NKAIN2: variants seen among roughly 807,000 people sequenced by gnomAD.
The protein encoded by NKAIN2 is sodium/potassium-transporting ATPase subunit beta-1-interacting protein 2.
In NKAIN2, 14 loss-of-function variants were observed where a neutral mutation model predicts 32.6. That is an observed-to-expected ratio of 0.43 (90% CI 0.28 to 0.67). The LOEUF is 0.67. Among genes scored for constraint, NKAIN2 ranks in the 30% least tolerant of loss-of-function variants. The pLI is 0.17. For missense variants in NKAIN2, 198 were observed against 258.3 expected, an observed-to-expected ratio of 0.77 and a Z score of 1.60; for synonymous variants, 80 against 87.2, an observed-to-expected ratio of 0.92 and a Z score of 0.46.
chr6:123,952,590 T>A (rs1180814330), intron 1 of NKAIN2, among the ~76,000 whole-genome samples: 1 of 152,198 alleles, frequency 6.6e-6, no homozygotes, highest in East Asian at 1.9e-4. Context: ...AACATTCTTT[T>A]TAATTTGTAT....
chr6:123,974,519 A>G (rs983323543), intron 1 of NKAIN2, among the ~76,000 whole-genome samples: 3 of 152,204 alleles, frequency 2.0e-5, no homozygotes, highest in Non-Finnish European at 2.9e-5. Context: ...GTCTCTGCAC[A>G]TAGGAGTATC....
At chr6:124,221,557 AATAAG>A (rs1294885799) in intron 1 of NKAIN2, among the ~76,000 whole-genome samples, 1 of 152,110 alleles carries the variant, frequency 6.6e-6, no homozygotes, top group Non-Finnish European at 1.5e-5. Flanking sequence ...AAAGTATAAT[AATAAG>A]AGAGAGAAAA....
intron 3 of NKAIN2, among the ~76,000 whole-genome samples, chr6:124,392,808 G>T (rs1249443669): frequency 6.6e-6 from 1 of 152,218 alleles, no homozygotes; most frequent in African/African-American, 2.4e-5. Context: ...AAGGCTGGAG[G>T]TCTTATCTCA....
intron 1 of NKAIN2, 94 bp downstream of exon 1, chr6:123,804,348 C>T (rs1315179675): frequency 9.5e-7 from 1 of 1,057,108 alleles, no homozygotes; most frequent in South Asian, 1.3e-5. Flanking sequence ...CTAGAATGGA[C>T]GAAAAAGATA....
Position 124,101,046 on chromosome 6 carries a change from A to T in NKAIN2, c.55-181959A>T, listed in dbSNP as rs143653317. On this transcript the variant is annotated intron_variant, in intron 1 of 6. Transcript: ENST00000368417. ...TATATTTTCCATTGTCACAAGGCCTATTCTGGATGCCATACAATTGTTCAA... is the reference window on the plus strand; with the variant it reads ...TATATTTTCCATTGTCACAAGGCCTTTTCTGGATGCCATACAATTGTTCAA... Among the ~76,000 whole-genome samples the T allele has an allele frequency of 2.8e-3, 425 of 152,312 alleles. 4 individuals carry two copies. The highest frequency in any genetic ancestry group is 9.8e-3 in the African/African-American group (409 of 41,556).
chr6:124,779,165 G>A (rs1262680501), intron 4 of NKAIN2, among the ~76,000 whole-genome samples: 1 of 151,566 alleles, frequency 6.6e-6, no homozygotes, highest in East Asian at 2.0e-4. Context: ...AATCAGTTGA[G>A]CCCTGGAGGT....
chr6:123,896,017 G>A (rs1228915225), intron 1 of NKAIN2, among the ~76,000 whole-genome samples: 1 of 152,180 alleles, frequency 6.6e-6, no homozygotes, highest in East Asian at 1.9e-4. Context: ...TACATGAGTG[G>A]TTCATTTCGC....
intron 4 of NKAIN2, among the ~76,000 whole-genome samples, chr6:124,758,519 G>T (rs1030514440): frequency 1.3e-5 from 2 of 152,094 alleles, no homozygotes; most frequent in African/African-American, 4.8e-5. Context: ...AATCTAGCCA[G>T]TCTATGGTAT....
chr6:124,810,881 A>G (rs1356333459), intron 5 of NKAIN2, among the ~76,000 whole-genome samples: 2 of 151,176 alleles, frequency 1.3e-5, no homozygotes, highest in Admixed American at 1.3e-4. Context: ...AGGCTAAAGT[A>G]CGTCTTCCTA....
chr6:124,140,669 G>C (rs901243509), intron 1 of NKAIN2, among the ~76,000 whole-genome samples: 3 of 152,078 alleles, frequency 2.0e-5, no homozygotes, highest in African/African-American at 7.2e-5. Flanking sequence ...CCAGTTGACT[G>C]TTCAATTCCT....
At chr6:124,392,562 G>A (rs751196995) in intron 3 of NKAIN2, among the ~76,000 whole-genome samples, 5 of 152,044 alleles carry the variant, frequency 3.3e-5, no homozygotes, top group Admixed American at 6.5e-5. Context: ...GCCCTGAGCC[G>A]AAGAAAAGTT....
chr6:124,336,101 G>A, intron 2 of NKAIN2, among the ~76,000 whole-genome samples: 1 of 145,626 alleles, frequency 6.9e-6, no homozygotes, highest in South Asian at 2.2e-4. Flanking sequence ...TTAAAGAAAA[G>A]CAAAATGAAA....
chr6:124,649,041 A>C (rs1301777111), intron 3 of NKAIN2, among the ~76,000 whole-genome samples: 1 of 152,184 alleles, frequency 6.6e-6, no homozygotes, highest in African/African-American at 2.4e-5. Flanking sequence ...ACAATCTAAA[A>C]TCAATAAGCT....
intron 1 of NKAIN2, among the ~76,000 whole-genome samples, chr6:123,997,901 C>A (rs1779699305): frequency 6.6e-6 from 1 of 152,080 alleles, no homozygotes; most frequent in East Asian, 1.9e-4. Flanking sequence ...CCGTGCCTGG[C>A]CAAGTTTATT....
At chr6:123,846,329 TG>T (rs1283618693) in intron 1 of NKAIN2, among the ~76,000 whole-genome samples, 1 of 152,202 alleles carries the variant, frequency 6.6e-6, no homozygotes, top group Non-Finnish European at 1.5e-5. Context: ...CCAAATAGGT[TG>T]TGCTTTTGCC....
intron 1 of NKAIN2, among the ~76,000 whole-genome samples, chr6:124,016,673 A>G (rs1232279638): frequency 1.3e-5 from 2 of 152,296 alleles, no homozygotes; most frequent in East Asian, 1.9e-4. Flanking sequence ...CTCTAGGGAC[A>G]ACTTTTTGAC....
chr6:124,804,456 GT>G, intron 5 of NKAIN2: 1 of 942,204 alleles, frequency 1.1e-6, no homozygotes, highest in East Asian at 1.2e-4. Context: ...CACTTTCATT[GT>G]TTAGCACGTG....
intron 1 of NKAIN2, among the ~76,000 whole-genome samples, chr6:123,905,480 ACT>A (rs1774818361): frequency 1.3e-5 from 2 of 152,180 alleles, no homozygotes; most frequent in South Asian, 4.2e-4. Flanking sequence ...GGAGACACTA[ACT>A]CTATATTCCC....
intron 4 of NKAIN2, among the ~76,000 whole-genome samples, chr6:124,706,773 T>A (rs906062725): frequency 6.6e-6 from 1 of 152,140 alleles, no homozygotes; most frequent in African/African-American, 2.4e-5. Context: ...ACTGTCCAAC[T>A]GAAAAACTAA....
Sources: allele counts gnomAD v4.1 joint callset (sites outside exome capture counted in the v4.1 genomes callset), GRCh38; gene constraint gnomAD v4.1.1; transcripts MANE v1.5; gene names NCBI Gene and HGNC (gene_info 2026-07-23, HGNC 2026-07-21).